Variants in RPS27A observed in about 807,000 individuals in gnomAD.
RPS27A encodes ubiquitin-ribosomal protein eS31 fusion protein.
Under a neutral mutation model 18.9 loss-of-function variants are expected in RPS27A, and 1 was observed. The observed-to-expected ratio is 0.05, with a 90% confidence interval of 0.02 to 0.25. RPS27A has a LOEUF of 0.25. RPS27A is among the 10% of genes least tolerant of loss of function. RPS27A has a pLI of 1.00. For synonymous variants in RPS27A, 77 were observed against 63.7 expected (o/e 1.21, Z -0.99); for missense variants, 123 against 187.4 (o/e 0.66, Z 2.01).
chr2:55,232,526 A>G, upstream of RPS27A: 1 of 506,470 alleles, frequency 2.0e-6, no homozygotes, highest in African/African-American at 1.9e-5. Flanking sequence ...AAAGTGAGAA[A>G]TAAGCCCAGG....
intron 5 of RPS27A, 80 bp from the exon 6 acceptor site, chr2:55,235,348 G>A: frequency 6.6e-7 from 1 of 1,510,302 alleles, no homozygotes. Flanking sequence ...ACAGTTAAAA[G>A]CTTAAATATT....
At chr2:55,234,299 A>C in intron 4 of RPS27A, 95 bp downstream of exon 4, 2 of 890,272 alleles carry the variant, frequency 2.2e-6, no homozygotes, top group Non-Finnish European at 3.7e-6. Flanking sequence ...TGACTCTGTC[A>C]CCTAGGGTGG....
In RPS27A at chr2:55,233,374, G is replaced by C. The variant is rs759078450; in HGVS notation, c.60G>C (p.Ser20=). The C allele has an allele frequency of 1.2e-6, 2 of 1,613,016 alleles. No homozygotes were observed. Among genetic ancestry groups the C allele is most frequent in the Non-Finnish European group, 8.5e-7 (1 of 1,179,032 alleles). ...GKTITLEVEP[S]DTIENVKAKI... ...TTTAACACTCATAGGTTGAACCCTC[G>C]GATACGATAGAAAATGTAAAGGCCA... Residue 20 remains serine (S), a synonymous_variant, in exon 3 of 6, where the codon TCG becomes TCC. Transcript: ENST00000272317.
chr2:55,235,755 G>A lies in RPS27A; in HGVS notation c.*178G>A, dbSNP rs1675760326. 7.3e-6 allele frequency: 5 copies of A among 689,528 alleles called. No homozygotes were observed. Among genetic ancestry groups the A allele is most frequent in the South Asian group, 6.9e-5 (4 of 57,674 alleles). 42.7% of individuals were successfully genotyped at this position (689,528 alleles called of 1,614,324 possible). On this transcript the variant is annotated 3_prime_UTR_variant, in exon 6 of 6. Transcript: ENST00000272317. The stretch of plus-strand genomic sequence containing the variant: ...TGTGACCCAGTGGTTCTGTATACCT[G>A]CCAGGTGCCAACCACTTGTAAAGGT...
chr2:55,233,270 G>T (rs1675586946), intron 2 of RPS27A, 93 bp from the exon 3 acceptor site: 2 of 1,078,652 alleles, frequency 1.9e-6, no homozygotes, highest in Admixed American at 1.8e-5. Context: ...CAGCCCTGTC[G>T]CTGGTTCGGT....
chr2:55,235,363 G>C (rs982492590), intron 5 of RPS27A, 65 bp from the exon 6 acceptor site: 2 of 1,565,710 alleles, frequency 1.3e-6, no homozygotes, highest in Non-Finnish European at 1.8e-6. Context: ...AATATTTTGA[G>C]TCACTTAAAT....
At chr2:55,233,120 G>A (rs1675572730) in intron 2 of RPS27A, 2 of 637,698 alleles carry the variant, frequency 3.1e-6, no homozygotes, top group East Asian at 2.7e-5. Context: ...GGTGGGGAAG[G>A]AGACGCTCTG....
chr2:55,232,994 C>G (rs1285947848), intron 2 of RPS27A, 122 bp downstream of exon 2: 1 of 860,590 alleles, frequency 1.2e-6, no homozygotes, highest in Non-Finnish European at 1.9e-6. Context: ...AAAACTTAAG[C>G]TTTGAAATGA....
intron 5 of RPS27A, 80 bp from the exon 6 acceptor site, chr2:55,235,348 G>C (rs987632030): frequency 9.9e-6 from 15 of 1,510,184 alleles, no homozygotes; most frequent in East Asian, 2.3e-5. Context: ...ACAGTTAAAA[G>C]CTTAAATATT....
chr2:55,235,125 T>G, intron 5 of RPS27A, 163 bp downstream of exon 5: 1 of 841,306 alleles, frequency 1.2e-6, no homozygotes, highest in South Asian at 1.6e-5. Context: ...CTTTCTGGGG[T>G]TTTTCCTGTT....
At chr2:55,232,570 T>G, upstream of RPS27A, 1 of 575,060 alleles carries the variant, frequency 1.7e-6, no homozygotes, top group Non-Finnish European at 3.1e-6. Flanking sequence ...CACGTCCTAG[T>G]CTGGCACCGG....
chr2:55,234,052 C>T (rs941713439), intron 3 of RPS27A, 67 bp from the exon 4 acceptor site: 14 of 1,004,234 alleles, frequency 1.4e-5, no homozygotes, highest in Non-Finnish European at 2.2e-5. Context: ...AGGGGTGTTA[C>T]CTTATAAGTC....
Position 55,233,355 on chromosome 2 carries a change from A to G in RPS27A, c.49-8A>G. 1 of 1,609,286 alleles carries G rather than the reference A, an allele frequency of 6.2e-7. No homozygotes were observed. Among genetic ancestry groups the G allele is most frequent in the Non-Finnish European group, 8.5e-7 (1 of 1,175,568 alleles). On this transcript the variant is annotated splice_polypyrimidine_tract_variant and splice_region_variant and intron_variant, in intron 2 of 5. Transcript: ENST00000272317. ...GTAACCAACATGCTTTCACTTTAAC[A>G]CTCATAGGTTGAACCCTCGGATACG...
In RPS27A at chr2:55,235,640, A is replaced by G; in HGVS notation, c.*63A>G. ...TGTTGGGTTTTATTGCAGTAAAAAG[A>G]ATGGTTTTTAAGCACCAAATTGATG... On this transcript the variant is annotated 3_prime_UTR_variant, in exon 6 of 6. Coordinates refer to ENST00000272317, the MANE Select transcript of RPS27A (RefSeq NM_002954.6). The G allele has an allele frequency of 1.3e-6, 2 of 1,565,538 alleles. No individual in the cohort carries two copies. Among genetic ancestry groups the G allele is most frequent in the African/African-American group, 1.3e-5 (1 of 74,358 alleles).
chr2:55,232,980 T>G, intron 2 of RPS27A, 108 bp downstream of exon 2: 2 of 952,112 alleles, frequency 2.1e-6, no homozygotes, highest in Non-Finnish European at 3.4e-6. Context: ...CGAATTTGGG[T>G]TCTAAAACTT....
intron 5 of RPS27A, 131 bp from the exon 6 acceptor site, chr2:55,235,297 A>G: frequency 1.0e-6 from 1 of 997,544 alleles, no homozygotes; most frequent in East Asian, 2.4e-5. Context: ...GTGAGAATTT[A>G]GGGTGCTTTG....
At chr2:55,233,664 C>T in intron 3 of RPS27A, 1 of 533,066 alleles carries the variant, frequency 1.9e-6, no homozygotes, top group South Asian at 2.0e-5. Context: ...GGAGTCTCCT[C>T]TGTCGCCCAG....
In RPS27A at chr2:55,234,979, G is replaced by A; in HGVS notation, c.321+17G>A. 6.2e-7 allele frequency: 1 copy of A among 1,612,008 alleles called. No homozygotes were observed. Among genetic ancestry groups the A allele is most frequent in the South Asian group, 1.1e-5 (1 of 90,990 alleles). The stretch of plus-strand genomic sequence containing the variant: ...TATTATAAGGTGAGCCAGTTAAAGG[G>A]CAGAATGTCAGCAAAGTCTTGGCTT... On this transcript the variant is annotated intron_variant, in intron 5 of 5. Coordinates refer to ENST00000272317, the MANE Select transcript of RPS27A (RefSeq NM_002954.6).
upstream of RPS27A, chr2:55,232,664 C>T (rs1463812352): frequency 8.2e-6 from 6 of 732,086 alleles, no homozygotes; most frequent in Admixed American, 6.1e-5. Flanking sequence ...CCGGGAAACC[C>T]CGTGGGCCTG....
Sources: gnomAD v4.1 joint callset for allele counts on GRCh38, gnomAD v4.1.1 for gene constraint, MANE v1.5 for transcripts, NCBI Gene and HGNC (gene_info 2026-07-23, HGNC 2026-07-21) for gene names.